Variants in EFR3B observed in about 807,000 individuals in gnomAD.
EFR3B encodes protein EFR3 homolog B.
A neutral mutation model predicts 104.7 loss-of-function variants in EFR3B; 64 were observed. The ratio of observed to expected loss-of-function variants is 0.61; its 90% CI spans 0.50 to 0.75. The LOEUF is 0.75. Among genes scored for constraint, EFR3B ranks in the 30% least tolerant of loss-of-function variants. The pLI is 0.00. For synonymous variants in EFR3B, 385 were observed against 417.9 expected, an observed-to-expected ratio of 0.92 and a Z score of 0.96; for missense variants, 750 against 1,078.5, an observed-to-expected ratio of 0.70 and a Z score of 4.27.
chr2:25,126,427 T>G (rs1302500358), intron 5 of EFR3B, among the ~76,000 whole-genome samples: 1 of 151,960 alleles, frequency 6.6e-6, no homozygotes, highest in African/African-American at 2.4e-5. Context: ...TGGCATGATC[T>G]CCGCTTACTG....
At chr2:25,074,436 G>A (rs1452400703) in intron 1 of EFR3B, among the ~76,000 whole-genome samples, 2 of 151,936 alleles carry the variant, frequency 1.3e-5, no homozygotes, top group South Asian at 2.1e-4. Context: ...GTGGTGGTGT[G>A]TGCCTGTAAT....
intron 1 of EFR3B, among the ~76,000 whole-genome samples, chr2:25,070,792 G>A (rs1266984018): frequency 6.6e-6 from 1 of 152,108 alleles, no homozygotes; most frequent in East Asian, 1.9e-4. Flanking sequence ...AGGCTCAGAG[G>A]GACAGACTCT....
intron 1 of EFR3B, chr2:25,080,546 G>A (rs1307309618): frequency 2.1e-5 from 10 of 482,216 alleles, no homozygotes; most frequent in African/African-American, 9.9e-5. Flanking sequence ...TGCCCGCCTC[G>A]GCCTCCCAAA....
chr2:25,042,298 G>T lies in EFR3B; in HGVS notation c.-15G>T. The T allele has an allele frequency of 7.7e-7, 1 of 1,292,072 alleles. No individual in the cohort carries two copies. The highest frequency in any genetic ancestry group is 9.8e-7 in the Non-Finnish European group (1 of 1,022,456). 80.0% of individuals were successfully genotyped at this position (1,292,072 alleles called of 1,614,324 possible). A position where few individuals can be genotyped will look rare whatever the true frequency, so the allele number is the denominator to read the frequency against. On this transcript the variant is annotated 5_prime_UTR_variant, in exon 1 of 23. Coordinates refer to ENST00000403714, the MANE Select transcript of EFR3B (RefSeq NM_014971.2). The surrounding 1 kb of genome is among the most constrained non-coding windows in gnomAD (Gnocchi z 5.4). ...CAGCGACGCCGGCCTCTCGAGAGGC[G>T]CGCGCCCCGCCGAGATGTACGGTAA...
At chr2:25,085,460 A>G (rs1375688560) in intron 1 of EFR3B, among the ~76,000 whole-genome samples, 3 of 152,056 alleles carry the variant, frequency 2.0e-5, no homozygotes, top group Non-Finnish European at 4.4e-5. Context: ...ATTCATCACA[A>G]TGATTTTATT....
At chr2:25,079,251 G>T (rs1668721629) in intron 1 of EFR3B, among the ~76,000 whole-genome samples, 1 of 152,198 alleles carries the variant, frequency 6.6e-6, no homozygotes, top group African/African-American at 2.4e-5. Flanking sequence ...GAAGAGACTG[G>T]CCAGGTCCCC....
intron 1 of EFR3B, among the ~76,000 whole-genome samples, chr2:25,081,871 G>T (rs1388733753): frequency 6.6e-6 from 1 of 152,174 alleles, no homozygotes; most frequent in African/African-American, 2.4e-5. Flanking sequence ...TAGGGAGTTT[G>T]GGGGAGGGGA....
intron 15 of EFR3B, among the ~76,000 whole-genome samples, chr2:25,138,029 G>A (rs58975359): frequency 0.021 from 3,198 of 152,168 alleles, 100 homozygotes; most frequent in African/African-American, 0.071. Context: ...AAAATTAGCC[G>A]GACGTGGTGG....
intron 4 of EFR3B, among the ~76,000 whole-genome samples, chr2:25,106,709 C>T (rs930245925): frequency 1.1e-4 from 17 of 152,186 alleles, no homozygotes; most frequent in African/African-American, 3.6e-4. Context: ...TCCCAAAGTG[C>T]TGGGATTACA....
chr2:25,090,249 G>A (rs759859215), intron 1 of EFR3B, among the ~76,000 whole-genome samples: 1 of 152,220 alleles, frequency 6.6e-6, no homozygotes, highest in Non-Finnish European at 1.5e-5. Context: ...GGCCCCCCGG[G>A]CCCCTCCCTG....
chr2:25,130,805 T>G lies in EFR3B; in HGVS notation c.849+175T>G, dbSNP rs994763439. Among the ~76,000 whole-genome samples the G allele has an allele frequency of 6.6e-6, 1 of 152,222 alleles. No individual in the cohort carries two copies. Among genetic ancestry groups the G allele is most frequent in the African/African-American group, 2.4e-5 (1 of 41,458 alleles). On this transcript the variant is annotated intron_variant, in intron 8 of 22. Coordinates refer to ENST00000403714, the MANE Select transcript of EFR3B (RefSeq NM_014971.2). This position sits in a 1 kb window ranked among gnomAD's most constrained non-coding sequence, Gnocchi z 4.6. ...AAGGGCCGGCTGATTTTATTTCCAG[T>G]ACATCACAGACCAATACTTTTATAA... is the stretch of plus-strand genomic sequence containing the variant.
At chr2:25,060,421 A>G (rs935000925) in intron 1 of EFR3B, among the ~76,000 whole-genome samples, 24 of 151,542 alleles carry the variant, frequency 1.6e-4, no homozygotes, top group Admixed American at 3.9e-4. Flanking sequence ...TCTCTGGAAA[A>G]CTCTTCCAAC....
At chr2:25,074,620 CTTTTT>C (rs771237285) in intron 1 of EFR3B, among the ~76,000 whole-genome samples, 2 of 144,272 alleles carry the variant, frequency 1.4e-5, no homozygotes, top group Admixed American at 1.4e-4. Flanking sequence ...TATCTGCCAA[CTTTTT>C]TTTTTTTTTG....
chr2:25,141,458 TCAGGGATCCC>T, intron 17 of EFR3B, 25 bp downstream of exon 17: 1 of 1,549,988 alleles, frequency 6.5e-7, no homozygotes, highest in Non-Finnish European at 8.7e-7. Flanking sequence ...GGGGACGTGG[TCAGGGATCCC>T]CAGGGCAGCT....
chr2:25,100,543 A>G (rs985723548), intron 3 of EFR3B, among the ~76,000 whole-genome samples: 8 of 152,190 alleles, frequency 5.3e-5, no homozygotes, highest in African/African-American at 1.7e-4. Flanking sequence ...CCCAGGCCGG[A>G]GTGCAGTGGC....
chr2:25,142,208 T>C (rs904118449), intron 17 of EFR3B, among the ~76,000 whole-genome samples: 4 of 151,974 alleles, frequency 2.6e-5, no homozygotes, highest in Admixed American at 6.6e-5. Context: ...TTTGGGAGGC[T>C]AAGGTGGGCG....
chr2:25,133,547 C>G (rs1014224174), intron 12 of EFR3B, 113 bp downstream of exon 12: 95 of 1,144,382 alleles, frequency 8.3e-5, no homozygotes, highest in Middle Eastern at 4.4e-4. Flanking sequence ...TGCACAAATA[C>G]ACCCAGTCGG....
At position 25,158,902 on chromosome 2, in the gene EFR3B, G is replaced by A. The variant is rs1671245752; in HGVS notation, c.*4562G>A. 1 of 152,222 alleles carries A rather than the reference G, an allele frequency of 6.6e-6. No homozygotes were observed. The highest frequency in any genetic ancestry group is 1.5e-5 in the Non-Finnish European group (1 of 68,056). The allele number at this position is 152,222 out of a possible 1,614,324, so 9.4% of individuals were successfully genotyped here. A position where few individuals can be genotyped will look rare whatever the true frequency, so the allele number is the denominator to read the frequency against. On this transcript the variant is annotated 3_prime_UTR_variant, in exon 23 of 23. Transcript: ENST00000403714. ...GTATAGTTTGTAGTTGACAATATGT[G>A]TATATAATAGCTGGTGTATTTATAT...
chr2:25,130,196 AG>A lies in EFR3B; in HGVS notation c.770+91del, dbSNP rs1670290648. 6.5e-7 allele frequency: 1 copy of A among 1,530,120 alleles called. No individual in the cohort carries two copies. The highest frequency in any genetic ancestry group is 1.4e-5 in the African/African-American group (1 of 72,662). 94.8% of individuals were successfully genotyped at this position (1,530,120 alleles called of 1,614,324 possible). A position where few individuals can be genotyped will look rare whatever the true frequency, so the allele number is the denominator to read the frequency against. On this transcript the variant is annotated intron_variant, in intron 7 of 22. Transcript: ENST00000403714. This position sits in a 1 kb window ranked among gnomAD's most constrained non-coding sequence, Gnocchi z 4.6. ...GGCATCTCCTGGCTGGCTGGGGGGA[AG>A]GGGATATTACAGTTGTGGTGCCGCA...
Sources: gnomAD v4.1 joint callset for allele counts (sites outside exome capture counted in the v4.1 genomes callset) on GRCh38, gnomAD v4.1.1 for gene constraint, Gnocchi (gnomAD v3.1) non-coding constraint, MANE v1.5 for transcripts, NCBI Gene and HGNC (gene_info 2026-07-23, HGNC 2026-07-21) for gene names.